TRA2A: variants seen among roughly 807,000 people sequenced by gnomAD.
TRA2A encodes the protein transformer 2 alpha homolog.
In TRA2A, 31 loss-of-function variants were observed where a neutral mutation model predicts 45.7. The ratio of observed to expected loss-of-function variants is 0.68; its 90% CI spans 0.51 to 0.92. The LOEUF is 0.92. TRA2A is among the 40% of genes least tolerant of loss of function. The pLI, the probability that TRA2A is intolerant of heterozygous loss-of-function variation, is 0.00. For synonymous variants in TRA2A, 132 were observed against 126.2 expected, an observed-to-expected ratio of 1.05 and a Z score of -0.31; for missense variants, 304 against 367.5, an observed-to-expected ratio of 0.83 and a Z score of 1.41.
chr7:23,513,059 G>GC lies in TRA2A; in HGVS notation c.359dup (p.Cys120TrpfsTer18). 6.2e-7 allele frequency: 1 copy of GC among 1,605,978 alleles called. No individual in the cohort carries two copies. Among genetic ancestry groups the GC allele is most frequent in the Non-Finnish European group, 8.5e-7 (1 of 1,177,050 alleles). On this transcript the variant is annotated frameshift_variant, in exon 4 of 8. Coordinates refer to ENST00000297071, the MANE Select transcript of TRA2A (RefSeq NM_013293.5). LOFTEE classifies it high-confidence loss of function. ...ACAAACTGAGGCCAAACACTCCAAGGCAAGTGTTGGGATCTGGATTTGCCT... is the reference window on the plus strand; with the variant it reads ...ACAAACTGAGGCCAAACACTCCAAGGCCAAGTGTTGGGATCTGGATTTGCCT...
rs896777960 is a variant in TRA2A, at chr7:23,505,350, T to C, written c.*209A>G. The C allele has an allele frequency of 4.7e-6, 2 of 423,070 alleles. No homozygotes were observed. The highest frequency in any genetic ancestry group is 8.4e-6 in the Non-Finnish European group (2 of 238,230). 26.2% of individuals were successfully genotyped at this position (423,070 alleles called of 1,614,324 possible). A position where few individuals can be genotyped will look rare whatever the true frequency, so the allele number is the denominator to read the frequency against. ...TCTTTTTATACTCAAGATGTTTAACTGTTCAAAATGACAACAATTACATCT... is the reference window on the plus strand; with the variant it reads ...TCTTTTTATACTCAAGATGTTTAACCGTTCAAAATGACAACAATTACATCT... On this transcript the variant is annotated 3_prime_UTR_variant, in exon 8 of 8. Coordinates refer to ENST00000297071, the MANE Select transcript of TRA2A (RefSeq NM_013293.5).
intron 4 of TRA2A, among the ~76,000 whole-genome samples, chr7:23,510,106 A>G (rs1395038000): frequency 2.0e-5 from 3 of 152,178 alleles, no homozygotes; most frequent in African/African-American, 7.2e-5. Flanking sequence ...GCCTGTCCCT[A>G]AAGACTGGAG....
chr7:23,530,947 G>C (rs566059940), intron 1 of TRA2A, among the ~76,000 whole-genome samples: 1 of 151,794 alleles, frequency 6.6e-6, no homozygotes, highest in South Asian at 2.1e-4. Context: ...TAAAGGAGTG[G>C]TCAGTTTTTA....
intron 4 of TRA2A, 80 bp from the exon 5 acceptor site, chr7:23,507,615 T>C (rs571169919): frequency 8.1e-6 from 8 of 989,468 alleles, no homozygotes; most frequent in African/African-American, 4.8e-5. Context: ...GCACAAAGTA[T>C]ATGTAATCCA....
At chr7:23,531,981 T>TGGCGCC (rs1790612405), upstream of TRA2A, 2 of 743,104 alleles carry the variant, frequency 2.7e-6, no homozygotes, top group African/African-American at 1.8e-5. Context: ...TCCAGCAAAA[T>TGGCGCC]GGCGCCGGCG....
chr7:23,512,225 T>C (rs1269390430), intron 4 of TRA2A, among the ~76,000 whole-genome samples: 2 of 152,196 alleles, frequency 1.3e-5, no homozygotes, highest in Non-Finnish European at 2.9e-5. Flanking sequence ...CAACAGGCCA[T>C]GTATGATGGC....
At chr7:23,520,388 C>G (rs1449054249) in intron 2 of TRA2A, among the ~76,000 whole-genome samples, 1 of 152,190 alleles carries the variant, frequency 6.6e-6, no homozygotes, top group African/African-American at 2.4e-5. Context: ...TTGAAGGTGG[C>G]AAATGCAAAG....
chr7:23,517,427 G>C (rs1789924373), intron 2 of TRA2A, among the ~76,000 whole-genome samples: 1 of 128,640 alleles, frequency 7.8e-6, no homozygotes, highest in Non-Finnish European at 1.6e-5. Context: ...GCAGTGGGCT[G>C]AGATTGTGCC....
intron 4 of TRA2A, among the ~76,000 whole-genome samples, chr7:23,509,616 G>C (rs1332696919): frequency 6.6e-6 from 1 of 151,988 alleles, no homozygotes; most frequent in African/African-American, 2.4e-5. Flanking sequence ...TGCACCTATA[G>C]TCCTAGCTAC....
intron 2 of TRA2A, among the ~76,000 whole-genome samples, chr7:23,519,199 G>A (rs1477643872): frequency 1.3e-5 from 2 of 151,888 alleles, no homozygotes; most frequent in African/African-American, 2.4e-5. Flanking sequence ...CGAGACCATC[G>A]TGGCTAACAT....
At chr7:23,511,718 T>C (rs1414685639) in intron 4 of TRA2A, among the ~76,000 whole-genome samples, 1 of 152,106 alleles carries the variant, frequency 6.6e-6, no homozygotes, top group Non-Finnish European at 1.5e-5. Context: ...CAAGACTCCC[T>C]GCAAAAACTT....
chr7:23,519,440 C>T (rs559094171), intron 2 of TRA2A, among the ~76,000 whole-genome samples: 1 of 152,200 alleles, frequency 6.6e-6, no homozygotes, highest in South Asian at 2.1e-4. Flanking sequence ...GCAGTGATGA[C>T]AGTCATATAA....
chr7:23,517,355 T>C (rs1199613925), intron 2 of TRA2A, among the ~76,000 whole-genome samples: 1 of 150,754 alleles, frequency 6.6e-6, no homozygotes, highest in Non-Finnish European at 1.5e-5. Flanking sequence ...GGCGGGCACC[T>C]GTAGTCCCAG....
chr7:23,511,276 C>G (rs1429400341), intron 4 of TRA2A, among the ~76,000 whole-genome samples: 1 of 146,000 alleles, frequency 6.8e-6, no homozygotes, highest in Non-Finnish European at 1.5e-5. Context: ...GAGGCTGAGG[C>G]AGGAGAATGG....
At chr7:23,523,097 A>T (rs545681963) in intron 1 of TRA2A, among the ~76,000 whole-genome samples, 279 of 152,320 alleles carry the variant, frequency 1.8e-3, no homozygotes, top group African/African-American at 6.5e-3. Flanking sequence ...ACATTTTTGC[A>T]ACCAGATCAC....
At chr7:23,520,937 C>G (rs1472801936) in intron 2 of TRA2A, among the ~76,000 whole-genome samples, 1 of 152,148 alleles carries the variant, frequency 6.6e-6, no homozygotes, top group Admixed American at 6.6e-5. Flanking sequence ...AAGTTATCTA[C>G]CCACCTCGGC....
At chr7:23,512,113 T>C (rs1418373397) in intron 4 of TRA2A, among the ~76,000 whole-genome samples, 2 of 152,220 alleles carry the variant, frequency 1.3e-5, no homozygotes, top group African/African-American at 2.4e-5. Context: ...AATTAGGATA[T>C]GCCTATAGCA....
intron 2 of TRA2A, among the ~76,000 whole-genome samples, chr7:23,518,498 T>C (rs1789987653): frequency 6.6e-6 from 1 of 151,524 alleles, no homozygotes; most frequent in South Asian, 2.1e-4. Context: ...CTTGCCAGCA[T>C]GCCCAGCTAA....
intron 1 of TRA2A, 85 bp from the exon 2 acceptor site, chr7:23,521,925 T>C: frequency 1.3e-6 from 2 of 1,550,302 alleles, no homozygotes; most frequent in Non-Finnish European, 1.7e-6. Flanking sequence ...TTATTTATAT[T>C]GATTGCTCCT....
Sources: gnomAD v4.1 joint callset for allele counts (sites outside exome capture counted in the v4.1 genomes callset) on GRCh38, gnomAD v4.1.1 for gene constraint, MANE v1.5 for transcripts, NCBI Gene and HGNC (gene_info 2026-07-23, HGNC 2026-07-21) for gene names.